The following CFAP299 variants were observed in gnomAD, a reference collection of about 807,000 sequenced individuals.
The protein encoded by CFAP299 is cilia- and flagella-associated protein 299.
Under a neutral mutation model 27.0 loss-of-function variants are expected in CFAP299, and 21 were observed. The observed-to-expected ratio is 0.78, with a 90% confidence interval of 0.55 to 1.12. The LOEUF (loss-of-function observed/expected upper bound fraction) is 1.12. Among genes scored for constraint, CFAP299 ranks in the 50% most tolerant of loss-of-function variants. CFAP299 has a pLI of 0.00. For synonymous variants in CFAP299, 104 were observed against 98.1 expected, an observed-to-expected ratio of 1.06 and a Z score of -0.36; for missense variants, 310 against 276.6, an observed-to-expected ratio of 1.12 and a Z score of -0.86.
At chr4:80,492,063 A>G (rs1395333444) in intron 2 of CFAP299, among the ~76,000 whole-genome samples, 1 of 152,186 alleles carries the variant, frequency 6.6e-6, no homozygotes, top group African/African-American at 2.4e-5. Context: ...GTTTTTGTCT[A>G]TCCAGATCTT....
At chr4:80,395,533 G>A (rs1295164625) in intron 2 of CFAP299, among the ~76,000 whole-genome samples, 1 of 151,952 alleles carries the variant, frequency 6.6e-6, no homozygotes. Context: ...TGTATTTGAG[G>A]TACATTTCTT....
chr4:80,397,009 C>T (rs987009338), intron 2 of CFAP299, among the ~76,000 whole-genome samples: 1 of 152,042 alleles, frequency 6.6e-6, no homozygotes, highest in African/African-American at 2.4e-5. Flanking sequence ...CCATCTGGTC[C>T]TGGACTTTTT....
intron 2 of CFAP299, among the ~76,000 whole-genome samples, chr4:80,567,592 G>A (rs969948450): frequency 1.3e-5 from 2 of 151,996 alleles, no homozygotes; most frequent in East Asian, 1.9e-4. Context: ...CTCTCCCTTC[G>A]TGTTTAAATA....
At chr4:80,513,143 A>G (rs1337617392) in intron 2 of CFAP299, among the ~76,000 whole-genome samples, 1 of 152,160 alleles carries the variant, frequency 6.6e-6, no homozygotes, top group East Asian at 1.9e-4. Context: ...ATCCCAGTAT[A>G]ATAACTCATA....
chr4:80,612,188 A>G (rs987172656), intron 3 of CFAP299, among the ~76,000 whole-genome samples: 4 of 152,010 alleles, frequency 2.6e-5, no homozygotes, highest in Admixed American at 1.3e-4. Flanking sequence ...CAAAGGAAGT[A>G]TATAATTTCT....
At chr4:80,671,960 T>G (rs1741511493) in intron 3 of CFAP299, among the ~76,000 whole-genome samples, 1 of 152,224 alleles carries the variant, frequency 6.6e-6, no homozygotes, top group Non-Finnish European at 1.5e-5. Context: ...CAGGGACAAT[T>G]TGACTTCCTC....
chr4:80,858,632 G>T, intron 3 of CFAP299, among the ~76,000 whole-genome samples: 1 of 152,070 alleles, frequency 6.6e-6, no homozygotes, highest in Non-Finnish European at 1.5e-5. Flanking sequence ...TGGTTTCAAA[G>T]AACATCTTTA....
At chr4:80,807,849 AC>A (rs2110114567) in intron 3 of CFAP299, among the ~76,000 whole-genome samples, 1 of 152,260 alleles carries the variant, frequency 6.6e-6, no homozygotes, top group South Asian at 2.1e-4. Flanking sequence ...AAACATCATA[AC>A]CCATTTCAAG....
chr4:80,496,634 G>A (rs764433024), intron 2 of CFAP299, among the ~76,000 whole-genome samples: 6 of 152,174 alleles, frequency 3.9e-5, no homozygotes, highest in Non-Finnish European at 7.3e-5. Context: ...TTCCAAAGCT[G>A]CTTTCACATT....
At chr4:80,883,034 A>C (rs1313121514) in intron 4 of CFAP299, among the ~76,000 whole-genome samples, 3 of 151,980 alleles carry the variant, frequency 2.0e-5, no homozygotes, top group Non-Finnish European at 4.4e-5. Context: ...TGATGCATAA[A>C]TCATGTTCAA....
chr4:80,322,365 G>A, the CFAP299 span, among the ~76,000 whole-genome samples: 10 of 152,290 alleles, frequency 6.6e-5, no homozygotes, highest in East Asian at 1.9e-3. Flanking sequence ...GTTTTAGGCA[G>A]CAGAATCATC....
At chr4:80,797,875 C>T (rs866747785) in intron 3 of CFAP299, among the ~76,000 whole-genome samples, 4 of 152,122 alleles carry the variant, frequency 2.6e-5, no homozygotes, top group Admixed American at 1.3e-4. Flanking sequence ...ATTTCTAGCT[C>T]GCTCACAGTG....
At chr4:80,725,442 G>A (rs887677379) in intron 3 of CFAP299, among the ~76,000 whole-genome samples, 1 of 151,866 alleles carries the variant, frequency 6.6e-6, no homozygotes, top group African/African-American at 2.4e-5. Context: ...TCAAATGTCT[G>A]GAGATACTTG....
At chr4:80,392,062 T>G (rs775906293) in intron 2 of CFAP299, among the ~76,000 whole-genome samples, 2 of 152,256 alleles carry the variant, frequency 1.3e-5, no homozygotes, top group African/African-American at 2.4e-5. Context: ...ATTGGATTTC[T>G]GACTTAGACC....
intron 3 of CFAP299, among the ~76,000 whole-genome samples, chr4:80,712,919 G>A (rs897433111): frequency 6.6e-6 from 1 of 152,018 alleles, no homozygotes; most frequent in South Asian, 2.1e-4. Context: ...TCTCTTAGTG[G>A]AGTGCCCTAT....
chr4:80,872,847 T>A (rs1202528774), intron 4 of CFAP299: 1 of 918,918 alleles, frequency 1.1e-6, no homozygotes, highest in Non-Finnish European at 1.3e-6. Context: ...GTTTTATTTA[T>A]TTTTGGATAT....
In CFAP299 at chr4:80,383,834, GT is replaced by G. The variant is rs1156287144; in HGVS notation, c.242+20954del. The stretch of plus-strand genomic sequence containing the variant: ...GTTTGTGCTTTTGTTCATTCAGATG[GT>G]TTTATCTATCTGTTTTTTTTTGTTG... On this transcript the variant is annotated intron_variant, in intron 2 of 5. Transcript: ENST00000358105. 2.7e-5 allele frequency among the ~76,000 whole-genome samples: 4 copies of G among 149,954 alleles called. No individual in the cohort carries two copies. In the South Asian group the frequency reaches 6.4e-4, roughly 24 times the overall value.
At chr4:80,950,599 G>A (rs747430025) in intron 5 of CFAP299, among the ~76,000 whole-genome samples, 3 of 152,116 alleles carry the variant, frequency 2.0e-5, no homozygotes, top group South Asian at 2.1e-4. Context: ...ATGCACAAAG[G>A]CATGGGAGCA....
chr4:80,757,947 G>C (rs767190429), intron 3 of CFAP299, among the ~76,000 whole-genome samples: 1 of 152,100 alleles, frequency 6.6e-6, no homozygotes, highest in Non-Finnish European at 1.5e-5. Context: ...GAAGGAGCTG[G>C]AGCAAGCACC....
Sources: allele counts gnomAD v4.1 joint callset (sites outside exome capture counted in the v4.1 genomes callset), GRCh38; gene constraint gnomAD v4.1.1; transcripts MANE v1.5; gene names NCBI Gene and HGNC (gene_info 2026-07-23, HGNC 2026-07-21).